COLGALT2: variants seen among roughly 807,000 people sequenced by gnomAD.
The protein encoded by COLGALT2 is collagen beta(1-O)galactosyltransferase 2.
Under a neutral mutation model 73.4 loss-of-function variants are expected in COLGALT2, and 49 were observed. The observed-to-expected ratio is 0.67, with a 90% CI of 0.53 to 0.85. COLGALT2 has a LOEUF of 0.85. Among genes scored for constraint, COLGALT2 ranks in the 40% least tolerant of loss-of-function variants. COLGALT2 has a pLI of 0.00. For missense variants in COLGALT2, 722 were observed against 790.2 expected, an observed-to-expected ratio of 0.91 and a Z score of 1.03; for synonymous variants, 295 against 307.6, an observed-to-expected ratio of 0.96 and a Z score of 0.43.
intron 1 of COLGALT2, among the ~76,000 whole-genome samples, chr1:183,986,488 T>C (rs550204798): frequency 6.6e-5 from 10 of 152,252 alleles, no homozygotes; most frequent in African/African-American, 2.4e-4. Context: ...AAATATTTGA[T>C]TCTAGAAATT....
chr1:183,959,253 C>G (rs1384074736), intron 6 of COLGALT2, among the ~76,000 whole-genome samples: 4 of 152,196 alleles, frequency 2.6e-5, no homozygotes, highest in Admixed American at 1.3e-4. Context: ...GACTGTTCCA[C>G]AGCTTCAAAT....
chr1:184,032,153 C>CA (rs1649534363), intron 1 of COLGALT2, among the ~76,000 whole-genome samples: 1 of 152,140 alleles, frequency 6.6e-6, no homozygotes, highest in Non-Finnish European at 1.5e-5. Context: ...CTCGGCCCCC[C>CA]AAAGTGCTAG....
At chr1:183,949,106 T>C (rs933049359) in intron 8 of COLGALT2, among the ~76,000 whole-genome samples, 1 of 152,058 alleles carries the variant, frequency 6.6e-6, no homozygotes, top group Non-Finnish European at 1.5e-5. Flanking sequence ...AAAAAGACAT[T>C]CCATGATTAC....
rs964091603 is a variant in COLGALT2, at chr1:183,969,413, A to G, written c.688T>C (p.Phe230Leu). 1 of 1,613,728 alleles carries G rather than the reference A, an allele frequency of 6.2e-7. No individual in the cohort carries two copies. The highest frequency in any genetic ancestry group is 8.5e-7 in the Non-Finnish European group (1 of 1,179,868). ...GTGGAGTGGACCATGGGGACGGGGA[A>G]GCAGCCTGTCCTCTTCCATTCTCGA... ...QIREWKRTGC[F>L]PVPMVHSTFL... The change falls in exon 5 of 12, where the codon TTC becomes CTC. Residue 230 changes from phenylalanine to leucine, a missense_variant. By Grantham distance (22) the Phe-to-Leu change is conservative. Coordinates refer to ENST00000361927, the MANE Select transcript of COLGALT2 (RefSeq NM_015101.4).
At chr1:184,035,059 C>G (rs1649629127) in intron 1 of COLGALT2, among the ~76,000 whole-genome samples, 1 of 152,230 alleles carries the variant, frequency 6.6e-6, no homozygotes, top group Non-Finnish European at 1.5e-5. Context: ...CCTTGCACTT[C>G]TTGCTTAACC....
intron 6 of COLGALT2, among the ~76,000 whole-genome samples, chr1:183,961,594 A>G (rs1670703217): frequency 1.3e-5 from 2 of 152,234 alleles, no homozygotes; most frequent in Non-Finnish European, 2.9e-5. Flanking sequence ...AAATCACTCT[A>G]TAGATGAAGA....
intron 7 of COLGALT2, among the ~76,000 whole-genome samples, chr1:183,952,698 T>C (rs1231581139): frequency 6.6e-6 from 1 of 152,252 alleles, no homozygotes; most frequent in Non-Finnish European, 1.5e-5. Flanking sequence ...GAGCAAGATA[T>C]TCCCTTTGAA....
chr1:183,972,959 A>G (rs1333522959), intron 4 of COLGALT2, among the ~76,000 whole-genome samples: 3 of 152,210 alleles, frequency 2.0e-5, no homozygotes, highest in Non-Finnish European at 4.4e-5. Context: ...TTGGCCTCCC[A>G]AAGTGCTGGG....
At chr1:183,997,647 C>A (rs1671805934) in intron 1 of COLGALT2, among the ~76,000 whole-genome samples, 1 of 152,222 alleles carries the variant, frequency 6.6e-6, no homozygotes, top group African/African-American at 2.4e-5. Flanking sequence ...TCAAAACCGT[C>A]CTGGGCTGCA....
At position 183,959,391 on chromosome 1, in the gene COLGALT2, C is replaced by T. The variant is rs529015310; in HGVS notation, c.952+4510G>A. Among the ~76,000 whole-genome samples, 7 of 152,290 alleles carry T rather than the reference C, an allele frequency of 4.6e-5. No individual in the cohort carries two copies. The East Asian group carries it at 7.7e-4, about 17-fold the overall frequency. Reference sequence around the variant, plus strand: ...ATGCCTATTAAATATCTTAAACTTACGTGACCAAAACTAGCTCCCCAACCC... The same window carrying T: ...ATGCCTATTAAATATCTTAAACTTATGTGACCAAAACTAGCTCCCCAACCC... On this transcript the variant is annotated intron_variant, in intron 6 of 11. Coordinates refer to ENST00000361927, the MANE Select transcript of COLGALT2 (RefSeq NM_015101.4).
chr1:183,976,013 C>T (rs1403537630), intron 2 of COLGALT2, among the ~76,000 whole-genome samples: 2 of 152,184 alleles, frequency 1.3e-5, no homozygotes, highest in Non-Finnish European at 2.9e-5. Flanking sequence ...ATGTACAGCA[C>T]AGGAATTCTC....
intron 6 of COLGALT2, among the ~76,000 whole-genome samples, chr1:183,957,564 A>G (rs1351167461): frequency 2.6e-5 from 4 of 152,184 alleles, no homozygotes; most frequent in African/African-American, 9.7e-5. Context: ...CTTACCCACT[A>G]TGCCTGGGCT....
chr1:183,971,239 C>T (rs1671029031), intron 4 of COLGALT2, among the ~76,000 whole-genome samples: 2 of 152,164 alleles, frequency 1.3e-5, no homozygotes, highest in South Asian at 4.1e-4. Flanking sequence ...GGAACCAGGT[C>T]CTGCTTTGAA....
chr1:183,958,167 T>C (rs1466605150), intron 6 of COLGALT2, among the ~76,000 whole-genome samples: 1 of 152,202 alleles, frequency 6.6e-6, no homozygotes, highest in East Asian at 1.9e-4. Flanking sequence ...ACAGTGCTTT[T>C]AATAAGTGTT....
intron 1 of COLGALT2, among the ~76,000 whole-genome samples, chr1:184,026,189 C>T (rs1266088479): frequency 2.6e-5 from 4 of 152,120 alleles, no homozygotes; most frequent in Non-Finnish European, 5.9e-5. Flanking sequence ...ATGAAAGACG[C>T]TGCTTTTGGC....
chr1:183,973,133 A>G (rs78403681), intron 4 of COLGALT2, among the ~76,000 whole-genome samples: 2,917 of 152,328 alleles, frequency 0.019, 96 homozygotes, highest in African/African-American at 0.066. Flanking sequence ...ATGTTTTTCA[A>G]ACCGAGATAA....
At chr1:184,023,643 TG>T (rs56285855) in intron 1 of COLGALT2, among the ~76,000 whole-genome samples, 56,797 of 132,580 alleles carry the variant, frequency 0.43, 13,939 homozygotes, top group Non-Finnish European at 0.58. Context: ...GTGCGTGAGG[TG>T]GGGGGGGGGG....
rs1669942925 is a variant in COLGALT2, at chr1:183,936,012, C to T, written c.*2749G>A. ...TGAACCGCAAGCGGGGCCCATGCAG[C>T]GTGTCCTCTGCAAAGTGCAGGTGTT... On this transcript the variant is annotated 3_prime_UTR_variant, in exon 12 of 12. Transcript: ENST00000361927. 1.5e-5 allele frequency: 15 copies of T among 985,336 alleles called. No homozygotes were observed. Among genetic ancestry groups the T allele is most frequent in the African/African-American group, 1.7e-5 (1 of 57,240 alleles). 61.0% of individuals were successfully genotyped at this position (985,336 alleles called of 1,614,324 possible).
chr1:183,997,560 C>T (rs1173802201), intron 1 of COLGALT2, among the ~76,000 whole-genome samples: 1 of 152,166 alleles, frequency 6.6e-6, no homozygotes, highest in African/African-American at 2.4e-5. Flanking sequence ...CTAACGATAG[C>T]TGATGAGCTA....
Sources: gnomAD v4.1 joint callset for allele counts (sites outside exome capture counted in the v4.1 genomes callset) on GRCh38, gnomAD v4.1.1 for gene constraint, MANE v1.5 for transcripts, NCBI Gene and HGNC (gene_info 2026-07-23, HGNC 2026-07-21) for gene names.